The following BCAS1 variants were observed in gnomAD, a reference collection of about 807,000 sequenced individuals.
The protein encoded by BCAS1 is breast carcinoma-amplified sequence 1.
A neutral mutation model predicts 65.4 loss-of-function variants in BCAS1; 46 were observed. The ratio of observed to expected loss-of-function variants is 0.70; its 90% CI spans 0.55 to 0.90. The LOEUF is 0.90. Among genes scored for constraint, BCAS1 ranks in the 40% least tolerant of loss-of-function variants. BCAS1 has a pLI of 0.00. For synonymous variants in BCAS1, 298 were observed against 293.5 expected (o/e 1.02, Z -0.16); for missense variants, 793 against 771.2 (o/e 1.03, Z -0.33).
At chr20:54,018,830 G>A (rs1316108933) in intron 4 of BCAS1, among the ~76,000 whole-genome samples, 4 of 152,162 alleles carry the variant, frequency 2.6e-5, no homozygotes, top group Non-Finnish European at 4.4e-5. Context: ...GTGTTATGAC[G>A]AAGGACAACC....
At chr20:54,038,328 T>G (rs2146184723) in intron 3 of BCAS1, among the ~76,000 whole-genome samples, 1 of 151,458 alleles carries the variant, frequency 6.6e-6, no homozygotes, top group East Asian at 1.9e-4. Context: ...TTCATCACTC[T>G]CTGAAATGAT....
intron 3 of BCAS1, among the ~76,000 whole-genome samples, chr20:54,043,269 A>G (rs553033381): frequency 2.0e-5 from 3 of 151,994 alleles, no homozygotes; most frequent in Non-Finnish European, 4.4e-5. Context: ...CAGGATTTCA[A>G]TGTTTCATTG....
intron 11 of BCAS1, among the ~76,000 whole-genome samples, chr20:53,954,294 G>GGAGAGAGAGAGAGAGAGAGAGA (rs71196437): frequency 1.6e-4 from 20 of 125,910 alleles, no homozygotes; most frequent in African/African-American, 5.7e-4. Flanking sequence ...GCTGAGAAAT[G>GGAGAGAGAGAGAGAGAGAGAGA]GAGAGAGAGA....
intron 4 of BCAS1, among the ~76,000 whole-genome samples, chr20:54,005,159 T>C (rs1222692933): frequency 7.5e-6 from 1 of 133,210 alleles, no homozygotes; most frequent in East Asian, 2.5e-4. Flanking sequence ...AGTACTCTGA[T>C]AAAAAGACAA....
At chr20:53,985,719 G>A (rs1466122757) in intron 7 of BCAS1, among the ~76,000 whole-genome samples, 1 of 152,076 alleles carries the variant, frequency 6.6e-6, no homozygotes, top group Non-Finnish European at 1.5e-5. Context: ...AAACATAGAA[G>A]CATTATTAAT....
intron 4 of BCAS1, among the ~76,000 whole-genome samples, chr20:54,016,684 GAAATA>G (rs1453542866): frequency 6.6e-6 from 1 of 152,184 alleles, no homozygotes; most frequent in African/African-American, 2.4e-5. Flanking sequence ...ACTTCAGAGG[GAAATA>G]AAATAACATG....
chr20:53,978,410 A>G (rs918898004), intron 8 of BCAS1, among the ~76,000 whole-genome samples: 1 of 152,198 alleles, frequency 6.6e-6, no homozygotes, highest in African/African-American at 2.4e-5. Context: ...AGCAAATGTC[A>G]TATCAACATC....
chr20:53,979,418 G>A (rs900130174), intron 8 of BCAS1, among the ~76,000 whole-genome samples: 5 of 152,182 alleles, frequency 3.3e-5, no homozygotes, highest in African/African-American at 4.8e-5. Flanking sequence ...GGGCTGTATG[G>A]ATGCCTACAG....
chr20:54,034,832 T>C (rs781706159), intron 3 of BCAS1, among the ~76,000 whole-genome samples: 2 of 151,098 alleles, frequency 1.3e-5, no homozygotes, highest in African/African-American at 2.4e-5. Context: ...GCTAAGGCAA[T>C]CCTAAGCAAA....
At chr20:53,952,739 C>T (rs1202549925) in intron 12 of BCAS1, among the ~76,000 whole-genome samples, 5 of 152,186 alleles carry the variant, frequency 3.3e-5, no homozygotes, top group African/African-American at 4.8e-5. Context: ...CTCATCACAT[C>T]GTGACCAAAT....
At chr20:54,025,676 T>C (rs1267711655) in intron 4 of BCAS1, among the ~76,000 whole-genome samples, 3 of 152,078 alleles carry the variant, frequency 2.0e-5, no homozygotes, top group Admixed American at 1.3e-4. Flanking sequence ...AGGGAGGCAG[T>C]AGATGCGGCT....
At chr20:53,997,340 G>T (rs558082078) in intron 4 of BCAS1, among the ~76,000 whole-genome samples, 27 of 152,320 alleles carry the variant, frequency 1.8e-4, no homozygotes, top group African/African-American at 6.0e-4. Context: ...AGTGCTATCT[G>T]TACCAGCATA....
At chr20:53,980,790 C>A (rs2090457883) in intron 8 of BCAS1, among the ~76,000 whole-genome samples, 1 of 152,184 alleles carries the variant, frequency 6.6e-6, no homozygotes, top group South Asian at 2.1e-4. Context: ...TACATAAAGA[C>A]AAATGAAGGC....
intron 3 of BCAS1, among the ~76,000 whole-genome samples, chr20:54,047,751 C>T (rs1316029926): frequency 2.0e-5 from 3 of 152,158 alleles, no homozygotes; most frequent in African/African-American, 7.2e-5. Flanking sequence ...GCAATGAAAG[C>T]ACAGATTTAT....
At chr20:54,020,857 A>C (rs1196935402) in intron 4 of BCAS1, among the ~76,000 whole-genome samples, 1 of 152,250 alleles carries the variant, frequency 6.6e-6, no homozygotes, top group Non-Finnish European at 1.5e-5. Flanking sequence ...TACATGCTGC[A>C]AGAATAGTAT....
At chr20:54,065,539 G>A (rs546589691) in intron 1 of BCAS1, among the ~76,000 whole-genome samples, 2 of 152,192 alleles carry the variant, frequency 1.3e-5, no homozygotes, top group Non-Finnish European at 2.9e-5. Context: ...GCCAAGGACC[G>A]CCCCCTTCCC....
At chr20:54,066,353 T>C (rs2092443703) in intron 1 of BCAS1, among the ~76,000 whole-genome samples, 1 of 152,224 alleles carries the variant, frequency 6.6e-6, no homozygotes, top group Non-Finnish European at 1.5e-5. Context: ...ATTACAGGCG[T>C]GAGCCACCGG....
At chr20:54,051,245 T>G (rs1601002449) in intron 3 of BCAS1, among the ~76,000 whole-genome samples, 1 of 152,234 alleles carries the variant, frequency 6.6e-6, no homozygotes, top group East Asian at 1.9e-4. Flanking sequence ...GCCTGATCTC[T>G]GAGCCATGGG....
chr20:53,945,496 G>C, intron 12 of BCAS1, among the ~76,000 whole-genome samples: 1 of 151,898 alleles, frequency 6.6e-6, no homozygotes, highest in East Asian at 1.9e-4. Context: ...TTGGTGTGCT[G>C]CACCCATTAA....
Sources: allele counts gnomAD v4.1 joint callset (sites outside exome capture counted in the v4.1 genomes callset), GRCh38; gene constraint gnomAD v4.1.1; transcripts MANE v1.5; gene names NCBI Gene and HGNC (gene_info 2026-07-23, HGNC 2026-07-21).